The following NAV2 variants were observed in gnomAD, a reference collection of about 807,000 sequenced individuals.
NAV2 encodes the protein helicase, APC down-regulated 1.
Under a neutral mutation model 223.2 loss-of-function variants are expected in NAV2, and 54 were observed. The observed-to-expected ratio is 0.24, with a 90% CI of 0.19 to 0.30. NAV2 has a LOEUF of 0.30. NAV2 is among the 10% of genes least tolerant of loss of function. NAV2 has a pLI of 1.00. For synonymous variants in NAV2, 1,279 were observed against 1,239.3 expected (o/e 1.03, Z -0.67); for missense variants, 2,806 against 3,147.5 (o/e 0.89, Z 2.60).
chr11:19,922,598 A>G (rs536619463), intron 6 of NAV2, among the ~76,000 whole-genome samples: 122 of 152,290 alleles, frequency 8.0e-4, no homozygotes, highest in Non-Finnish European at 1.5e-3. Context: ...TTTGGGGTAG[A>G]GCCAGGGAAG....
chr11:19,388,993 T>C (rs1849146881), intron 1 of NAV2, among the ~76,000 whole-genome samples: 1 of 152,234 alleles, frequency 6.6e-6, no homozygotes, highest in African/African-American at 2.4e-5. Flanking sequence ...CAGTCTTCAA[T>C]AGTTCACTAT....
chr11:19,630,699 C>CAACAT (rs1241057430), intron 1 of NAV2, among the ~76,000 whole-genome samples: 1 of 151,964 alleles, frequency 6.6e-6, no homozygotes, highest in Admixed American at 6.6e-5. Flanking sequence ...CCAGCCTGGG[C>CAACAT]AACATGGTGA....
At chr11:19,566,400 AGTT>A (rs2045271113) in intron 1 of NAV2, among the ~76,000 whole-genome samples, 1 of 152,180 alleles carries the variant, frequency 6.6e-6, no homozygotes, top group African/African-American at 2.4e-5. Context: ...TTTAATGTGC[AGTT>A]GTTACAGACA....
chr11:20,021,436 G>A (rs943677709), intron 11 of NAV2, among the ~76,000 whole-genome samples: 18 of 152,168 alleles, frequency 1.2e-4, no homozygotes, highest in East Asian at 3.9e-4. Context: ...TTTTTAGAGC[G>A]TGTGTGTGCA....
chr11:19,534,909 A>G (rs1457583495), intron 1 of NAV2, among the ~76,000 whole-genome samples: 7 of 152,322 alleles, frequency 4.6e-5, no homozygotes, highest in African/African-American at 1.7e-4. Context: ...ACTGGCCAGC[A>G]ATTTCACATC....
chr11:19,417,300 T>C (rs1397208985), intron 1 of NAV2, among the ~76,000 whole-genome samples: 1 of 152,162 alleles, frequency 6.6e-6, no homozygotes, highest in African/African-American at 2.4e-5. Flanking sequence ...GAACAGACAC[T>C]TCTCAAAAGA....
Position 20,062,287 on chromosome 11 carries a change from T to A in NAV2, c.4832-20T>A, listed in dbSNP as rs1457446973. Reference sequence around the variant, plus strand: ...CATAACAGCCATCTATCAATTCACCTTTTTTTTTTCTTTTAATAGTTCATG... The same window carrying A: ...CATAACAGCCATCTATCAATTCACCATTTTTTTTTCTTTTAATAGTTCATG... On this transcript the variant is annotated intron_variant, in intron 19 of 37. Transcript: ENST00000349880. The A allele has an allele frequency of 2.9e-6, 4 of 1,375,666 alleles. No homozygotes were observed. Among genetic ancestry groups the A allele is most frequent in the African/African-American group, 1.5e-5 (1 of 68,532 alleles). The allele number at this position is 1,375,666 out of a possible 1,614,324, so 85.2% of individuals were successfully genotyped here. A position where few individuals can be genotyped will look rare whatever the true frequency, so the allele number is the denominator to read the frequency against.
chr11:19,889,809 T>A (rs2041341654), intron 5 of NAV2, among the ~76,000 whole-genome samples: 1 of 152,180 alleles, frequency 6.6e-6, no homozygotes, highest in South Asian at 2.1e-4. Context: ...CCACAGATAC[T>A]TGGATTGAGT....
intron 32 of NAV2, among the ~76,000 whole-genome samples, 189 bp downstream of exon 32, chr11:20,101,361 A>C (rs1238552475): frequency 6.6e-6 from 1 of 152,176 alleles, no homozygotes; most frequent in Non-Finnish European, 1.5e-5. Flanking sequence ...GATCGAGCTC[A>C]TTTATGATGC....
At chr11:20,014,806 G>A (rs185188371) in intron 11 of NAV2, among the ~76,000 whole-genome samples, 130 of 152,292 alleles carry the variant, frequency 8.5e-4, no homozygotes, top group African/African-American at 2.8e-3. Flanking sequence ...GGAGGCTGAG[G>A]CAGGAGACTC....
At chr11:20,110,680 T>A (rs898643695) in intron 36 of NAV2, among the ~76,000 whole-genome samples, 6 of 152,146 alleles carry the variant, frequency 3.9e-5, no homozygotes, top group African/African-American at 1.4e-4. Flanking sequence ...AAATACTGAA[T>A]TTTATAGAGT....
intron 1 of NAV2, among the ~76,000 whole-genome samples, chr11:19,679,309 T>C (rs1041722248): frequency 1.3e-5 from 2 of 152,134 alleles, no homozygotes; most frequent in Non-Finnish European, 2.9e-5. Context: ...CACATGCCTG[T>C]AGTCTCAGCT....
chr11:19,776,085 A>C (rs11025254), intron 1 of NAV2, among the ~76,000 whole-genome samples: 47,272 of 152,126 alleles, frequency 0.31, 7,573 homozygotes, highest in African/African-American at 0.38. Context: ...ATATATAATA[A>C]AGCAATCCAT....
chr11:19,435,978 C>T (rs992169908), intron 1 of NAV2, among the ~76,000 whole-genome samples: 6 of 151,926 alleles, frequency 3.9e-5, no homozygotes, highest in African/African-American at 1.4e-4. Flanking sequence ...AGCTCCTTAT[C>T]CAATGTATGA....
intron 1 of NAV2, among the ~76,000 whole-genome samples, chr11:19,632,651 C>G (rs985218001): frequency 1.2e-4 from 19 of 152,182 alleles, no homozygotes; most frequent in African/African-American, 4.1e-4. Flanking sequence ...TCTCCTGAAG[C>G]TATTATTGAT....
chr11:19,634,965 C>T (rs1034322123), intron 1 of NAV2, among the ~76,000 whole-genome samples: 1 of 152,120 alleles, frequency 6.6e-6, no homozygotes, highest in Non-Finnish European at 1.5e-5. Context: ...TGTTAGAGTA[C>T]GTTAACTGCT....
intron 11 of NAV2, among the ~76,000 whole-genome samples, chr11:20,009,807 C>G (rs2053415979): frequency 6.6e-6 from 1 of 152,150 alleles, no homozygotes; most frequent in African/African-American, 2.4e-5. Context: ...TTTGCAGAGA[C>G]ATTCTCTTCA....
intron 10 of NAV2, among the ~76,000 whole-genome samples, chr11:19,968,520 T>C (rs942826774): frequency 7.9e-5 from 12 of 152,282 alleles, no homozygotes; most frequent in Admixed American, 7.2e-4. Context: ...GTGCCCAGCC[T>C]TAATAATAGG....
chr11:19,692,457 C>T (rs2049205757), intron 1 of NAV2, among the ~76,000 whole-genome samples: 1 of 152,250 alleles, frequency 6.6e-6, no homozygotes, highest in Non-Finnish European at 1.5e-5. Context: ...TCTAAGTATG[C>T]TGTGGTCTAT....
Sources: allele counts gnomAD v4.1 joint callset (sites outside exome capture counted in the v4.1 genomes callset), GRCh38; gene constraint gnomAD v4.1.1; transcripts MANE v1.5; gene names NCBI Gene and HGNC (gene_info 2026-07-23, HGNC 2026-07-21).